The following NCKAP5 variants were observed in gnomAD, a reference collection of about 807,000 sequenced individuals.
NCKAP5 encodes NCK associated protein 5.
NCKAP5 carries 92 observed loss-of-function variants against 167.0 expected under a neutral mutation model. That is an observed-to-expected ratio of 0.55 (90% CI 0.47 to 0.66). NCKAP5 has a LOEUF of 0.66. Among genes scored for constraint, NCKAP5 ranks in the 30% least tolerant of loss-of-function variants. NCKAP5 has a pLI of 0.00. For synonymous variants in NCKAP5, 891 were observed against 877.4 expected (o/e 1.02, Z -0.27); for missense variants, 2,378 against 2,315.0 (o/e 1.03, Z -0.56).
intron 10 of NCKAP5, among the ~76,000 whole-genome samples, chr2:132,867,357 G>T (rs1034227974): frequency 1.2e-4 from 18 of 152,128 alleles, no homozygotes; most frequent in African/African-American, 4.1e-4. Flanking sequence ...AAAAGAAAAA[G>T]AATTCAAAAA....
At chr2:132,820,369 A>G (rs894747750) in intron 11 of NCKAP5, among the ~76,000 whole-genome samples, 1 of 151,882 alleles carries the variant, frequency 6.6e-6, no homozygotes, top group Non-Finnish European at 1.5e-5. Flanking sequence ...AGCTGGGACT[A>G]CAGGTGCCCG....
At chr2:133,157,224 G>C (rs559204043) in intron 5 of NCKAP5, among the ~76,000 whole-genome samples, 1 of 152,304 alleles carries the variant, frequency 6.6e-6, no homozygotes, top group South Asian at 2.1e-4. Flanking sequence ...TAGGTAACAA[G>C]CGGGCCCATC....
chr2:133,335,255 C>T (rs552214045), intron 3 of NCKAP5, among the ~76,000 whole-genome samples: 78 of 152,254 alleles, frequency 5.1e-4, no homozygotes, highest in African/African-American at 1.4e-3. Context: ...GTCTCTTACC[C>T]CTCTCACTCT....
At chr2:132,771,576 C>T (rs1682050992) in intron 16 of NCKAP5, among the ~76,000 whole-genome samples, 1 of 152,008 alleles carries the variant, frequency 6.6e-6, no homozygotes, top group African/African-American at 2.4e-5. Context: ...ATGTCCTGGG[C>T]CCTCCATTCA....
chr2:133,472,879 CTT>C (rs1679473220), intron 3 of NCKAP5, among the ~76,000 whole-genome samples: 1 of 152,234 alleles, frequency 6.6e-6, no homozygotes, highest in African/African-American at 2.4e-5. Flanking sequence ...TTAGAAATCT[CTT>C]TACATGTTGG....
intron 4 of NCKAP5, among the ~76,000 whole-genome samples, chr2:133,266,601 G>C (rs1024917286): frequency 2.0e-5 from 3 of 152,108 alleles, no homozygotes; most frequent in Admixed American, 6.5e-5. Context: ...CTTCACTTCG[G>C]GGGCAGCAAG....
At chr2:133,228,655 T>C (rs1239028975) in intron 4 of NCKAP5, among the ~76,000 whole-genome samples, 6 of 152,226 alleles carry the variant, frequency 3.9e-5, no homozygotes, top group Admixed American at 3.3e-4. Context: ...AATTGTATAA[T>C]ATTAGAGCCA....
At chr2:132,796,586 A>C (rs764066910) in intron 12 of NCKAP5, 42 bp downstream of exon 12, 2 of 1,385,894 alleles carry the variant, frequency 1.4e-6, no homozygotes, top group Non-Finnish European at 2.0e-6. Flanking sequence ...GAAGGAAAAT[A>C]ACCACCAAAA....
In NCKAP5 at chr2:132,963,929, G is replaced by A. The variant is rs2076590516; in HGVS notation, c.430-60C>T. ...TCCAGTGAAAAATAAGCATGAGTGTGAGGCTGAAAAGGCTGGAATCATTCT... is the reference window on the plus strand; with the variant it reads ...TCCAGTGAAAAATAAGCATGAGTGTAAGGCTGAAAAGGCTGGAATCATTCT... On this transcript the variant is annotated intron_variant, in intron 7 of 19. Transcript: ENST00000409261. 6 of 1,587,868 alleles carry A rather than the reference G, an allele frequency of 3.8e-6. No individual in the cohort carries two copies. In the South Asian group the frequency reaches 5.5e-5, roughly 15 times the overall value.
intron 19 of NCKAP5, among the ~76,000 whole-genome samples, chr2:132,674,212 G>A (rs2566533): frequency 2.6e-5 from 4 of 152,286 alleles, no homozygotes; most frequent in Admixed American, 6.5e-5. Context: ...AGGCCCGGGG[G>A]CTTGGAGATG....
the NCKAP5 span, among the ~76,000 whole-genome samples, chr2:133,636,667 C>T: frequency 6.6e-6 from 1 of 152,034 alleles, no homozygotes; most frequent in African/African-American, 2.4e-5. Flanking sequence ...GCCAAAAGAG[C>T]CAAACAACAA....
In NCKAP5 at chr2:133,344,701, A is replaced by G. The variant is rs116537802; in HGVS notation, c.70-41591T>C. On this transcript the variant is annotated intron_variant, in intron 3 of 19. Coordinates refer to ENST00000409261, the MANE Select transcript of NCKAP5 (RefSeq NM_207363.3). ...GAAGTCACCAATGGATTGGATGTGA[A>G]GAGGGTAACTGAGGAGTCAAAGGCA... is the stretch of plus-strand genomic sequence containing the variant. 7.4e-3 allele frequency among the ~76,000 whole-genome samples: 1,131 copies of G among 152,234 alleles called. 17 individuals are homozygous for G. Among genetic ancestry groups the G allele is most frequent in the African/African-American group, 0.024 (995 of 41,552 alleles).
intron 2 of NCKAP5, among the ~76,000 whole-genome samples, chr2:133,525,128 G>A (rs1392767863): frequency 6.6e-6 from 1 of 151,994 alleles, no homozygotes; most frequent in Non-Finnish European, 1.5e-5. Flanking sequence ...CCAGCCCCCT[G>A]AAACTGATTT....
At chr2:132,710,665 A>G (rs58446907) in intron 19 of NCKAP5, among the ~76,000 whole-genome samples, 20,976 of 152,178 alleles carry the variant, frequency 0.14, 1,872 homozygotes, top group African/African-American at 0.26. Flanking sequence ...GCTAAATATC[A>G]TCTCACCCTG....
At chr2:133,651,752 T>C in the NCKAP5 span, among the ~76,000 whole-genome samples, 1 of 152,228 alleles carries the variant, frequency 6.6e-6, no homozygotes, top group Non-Finnish European at 1.5e-5. Context: ...AGAAGCAACT[T>C]ATATATCCAA....
intron 12 of NCKAP5, among the ~76,000 whole-genome samples, chr2:132,794,307 G>T (rs868256134): frequency 0.014 from 1,404 of 100,486 alleles, 65 homozygotes; most frequent in Non-Finnish European, 0.021. Flanking sequence ...GAGAGAGAGA[G>T]GGTGGCGGGA....
intron 8 of NCKAP5, among the ~76,000 whole-genome samples, chr2:132,962,503 G>T (rs930521051): frequency 6.6e-6 from 1 of 152,160 alleles, no homozygotes; most frequent in African/African-American, 2.4e-5. Context: ...GTGTAAAATG[G>T]ATATGCTCAT....
chr2:132,956,784 C>G (rs1275158076), intron 8 of NCKAP5, among the ~76,000 whole-genome samples: 1 of 152,202 alleles, frequency 6.6e-6, no homozygotes, highest in African/African-American at 2.4e-5. Context: ...AGGATGGATT[C>G]TGTGATCCAT....
intron 3 of NCKAP5, among the ~76,000 whole-genome samples, chr2:133,454,300 A>G (rs1230758377): frequency 6.6e-6 from 1 of 152,076 alleles, no homozygotes; most frequent in African/African-American, 2.4e-5. Flanking sequence ...TATTTGGTAT[A>G]GAATTATACT....
Sources: gnomAD v4.1 joint callset for allele counts (sites outside exome capture counted in the v4.1 genomes callset) on GRCh38, gnomAD v4.1.1 for gene constraint, MANE v1.5 for transcripts, NCBI Gene and HGNC (gene_info 2026-07-23, HGNC 2026-07-21) for gene names.